The following NOSIP variants were observed in gnomAD, a reference collection of about 807,000 sequenced individuals.
NOSIP encodes nitric oxide synthase-interacting protein.
A neutral mutation model predicts 36.4 loss-of-function variants in NOSIP; 25 were observed. The ratio of observed to expected loss-of-function variants is 0.69; its 90% confidence interval spans 0.50 to 0.96. The LOEUF (loss-of-function observed/expected upper bound fraction) is 0.96, where lower values mean the gene tolerates loss of function less well. NOSIP is among the 40% of genes least tolerant of loss of function. The pLI, the probability that NOSIP is intolerant of heterozygous loss-of-function variation, is 0.00. For missense variants in NOSIP, 370 were observed against 429.0 expected (o/e 0.86, Z 1.21); for synonymous variants, 187 against 179.2 (o/e 1.04, Z -0.35).
At chr19:49,564,707 A>G (rs926999617) in intron 1 of NOSIP, among the ~76,000 whole-genome samples, 5 of 152,156 alleles carry the variant, frequency 3.3e-5, no homozygotes, top group African/African-American at 1.2e-4. Flanking sequence ...ACAGAAGGGT[A>G]CACCTGTTTA....
At chr19:49,559,911 A>C in intron 3 of NOSIP, 23 bp downstream of exon 3, 1 of 1,575,760 alleles carries the variant, frequency 6.3e-7, no homozygotes, top group African/African-American at 1.4e-5. Context: ...ACCCAGACCT[A>C]CCCATCCCTG....
intron 1 of NOSIP, among the ~76,000 whole-genome samples, chr19:49,564,982 G>C (rs918486180): frequency 2.6e-5 from 4 of 152,126 alleles, no homozygotes; most frequent in East Asian, 3.8e-4. Context: ...TACTACACCA[G>C]AAGTTATGTG....
chr19:49,567,097 T>G (rs112390792), intron 1 of NOSIP, among the ~76,000 whole-genome samples: 114 of 148,928 alleles, frequency 7.7e-4, no homozygotes, highest in African/African-American at 2.8e-3. Flanking sequence ...ATTATAGGCA[T>G]GAGCCACCGT....
At chr19:49,559,865 A>G (rs1293537593) in intron 3 of NOSIP, 69 bp downstream of exon 3, 1 of 1,180,416 alleles carries the variant, frequency 8.5e-7, no homozygotes, top group East Asian at 2.5e-5. Context: ...AGACCCACGC[A>G]CACAGCCTCC....
Position 49,560,559 on chromosome 19 carries a change from C to G in NOSIP, c.70+63G>C. 1 of 1,334,934 alleles carries G rather than the reference C, an allele frequency of 7.5e-7. No homozygotes were observed. Among genetic ancestry groups the G allele is most frequent in the Non-Finnish European group, 1.1e-6 (1 of 949,638 alleles). 82.7% of individuals were successfully genotyped at this position (1,334,934 alleles called of 1,614,324 possible). ...GACAGAGGAAGCAAAACCTGGGGCA[C>G]GAGGGGAGAGGGTGACTCCAAGACA... On this transcript the variant is annotated intron_variant, in intron 2 of 8. Coordinates refer to ENST00000596358, the MANE Select transcript of NOSIP (RefSeq NM_001270960.2). This position sits in a 1 kb window ranked among gnomAD's most constrained non-coding sequence, Gnocchi z 4.6.
At chr19:49,568,386 A>G (rs1375871033) in intron 1 of NOSIP, among the ~76,000 whole-genome samples, 5 of 152,000 alleles carry the variant, frequency 3.3e-5, no homozygotes, top group African/African-American at 1.2e-4. Flanking sequence ...CACCCGGGGA[A>G]CTGCGGTGGT....
chr19:49,577,784 A>AG (rs2080573423), intron 1 of NOSIP, among the ~76,000 whole-genome samples: 5 of 149,958 alleles, frequency 3.3e-5, no homozygotes, highest in Admixed American at 1.3e-4. Context: ...AAAAAAAAAA[A>AG]GAAGTATTGA....
At position 49,571,954 on chromosome 19, in the gene NOSIP, C is replaced by T. The variant is rs557517926; in HGVS notation, c.-2+8561G>A. Among the ~76,000 whole-genome samples, 14 of 132,932 alleles carry T rather than the reference C, an allele frequency of 1.1e-4. 1 individual carries two copies. In the South Asian group the frequency reaches 2.8e-3, roughly 26 times the overall value. The allele number at this position is 132,932 out of a possible 152,430, so 87.2% of individuals were successfully genotyped here. The stretch of plus-strand genomic sequence containing the variant: ...GAGCCCAGATCGCACCACTGCACTT[C>T]AGCCTGGCGACAGAGTGAGACTCTG... On this transcript the variant is annotated intron_variant, in intron 1 of 8. Coordinates refer to ENST00000596358, the MANE Select transcript of NOSIP (RefSeq NM_001270960.2).
intron 4 of NOSIP, chr19:49,557,868 T>C (rs2080275757): frequency 1.0e-6 from 1 of 987,822 alleles, no homozygotes; most frequent in Non-Finnish European, 1.2e-6. Flanking sequence ...GAGGTAACAG[T>C]GACAGTGATG....
chr19:49,569,720 A>C (rs1182717314), intron 1 of NOSIP, among the ~76,000 whole-genome samples: 1 of 151,800 alleles, frequency 6.6e-6, no homozygotes, highest in Non-Finnish European at 1.5e-5. Context: ...AGGCAAGAGA[A>C]TTGCTTGAAC....
At chr19:49,576,905 A>AAAAAAAAG (rs1568412796) in intron 1 of NOSIP, among the ~76,000 whole-genome samples, 11 of 151,748 alleles carry the variant, frequency 7.2e-5, no homozygotes, top group African/African-American at 2.4e-4. Flanking sequence ...AAAAAAAAAA[A>AAAAAAAAG]AAAATCAGGA....
chr19:49,556,209 G>T, intron 8 of NOSIP, 108 bp downstream of exon 8: 1 of 574,230 alleles, frequency 1.7e-6, no homozygotes, highest in Non-Finnish European at 3.1e-6. Flanking sequence ...AGAAGAAGGC[G>T]GGGCCTTGGA....
intron 1 of NOSIP, among the ~76,000 whole-genome samples, chr19:49,563,739 C>T (rs1266099352): frequency 6.6e-6 from 1 of 150,938 alleles, no homozygotes; most frequent in Non-Finnish European, 1.5e-5. Context: ...AGGTGATCCA[C>T]CCGCCTCGGC....
chr19:49,557,501 T>G, intron 4 of NOSIP: 1 of 1,307,878 alleles, frequency 7.6e-7, no homozygotes, highest in South Asian at 2.0e-5. Flanking sequence ...GGCCTCAGTT[T>G]CTTCATCTGT....
Position 49,556,868 on chromosome 19 carries a change from G to A in NOSIP, c.537+7C>T, listed in dbSNP as rs1252893624. ...ACCGTGCGTGCCGGGGCGCTGTGGG[G>A]GCTCACCGGCTTCTCCAGCTTGGTG... On this transcript the variant is annotated splice_region_variant and intron_variant, in intron 6 of 8. Transcript: ENST00000596358. The A allele has an allele frequency of 6.2e-7, 1 of 1,610,244 alleles. No homozygotes were observed.
At chr19:49,575,482 A>C (rs747207194) in intron 1 of NOSIP, among the ~76,000 whole-genome samples, 1 of 152,220 alleles carries the variant, frequency 6.6e-6, no homozygotes, top group Non-Finnish European at 1.5e-5. Flanking sequence ...ACTACCCCTG[A>C]AAATGGGGCA....
At chr19:49,565,072 T>C (rs997499015) in intron 1 of NOSIP, among the ~76,000 whole-genome samples, 5 of 152,090 alleles carry the variant, frequency 3.3e-5, no homozygotes, top group African/African-American at 1.2e-4. Context: ...GCCCAGGAGT[T>C]TGAGACCAGC....
At chr19:49,564,474 A>C (rs947245796) in intron 1 of NOSIP, among the ~76,000 whole-genome samples, 26 of 151,204 alleles carry the variant, frequency 1.7e-4, no homozygotes, top group Non-Finnish European at 4.4e-5. Context: ...AAAAAAAAAA[A>C]AACAAAATAA....
chr19:49,555,628 G>A lies in NOSIP; in HGVS notation c.*123C>T, dbSNP rs940326641. 9.3e-6 allele frequency: 7 copies of A among 754,466 alleles called. No individual in the cohort carries two copies. The highest frequency in any genetic ancestry group is 4.8e-5 in the South Asian group (3 of 61,966). The allele number at this position is 754,466 out of a possible 1,614,324, so 46.7% of individuals were successfully genotyped here. ...GCTCTTTCAAACTCCAGCGTGCGCT[G>A]TAGGAGCACTGTTTGCACGGCCCTG... On this transcript the variant is annotated 3_prime_UTR_variant, in exon 9 of 9. Transcript: ENST00000596358.
Sources: gnomAD v4.1 joint callset for allele counts (sites outside exome capture counted in the v4.1 genomes callset) on GRCh38, gnomAD v4.1.1 for gene constraint, Gnocchi (gnomAD v3.1) non-coding constraint, MANE v1.5 for transcripts, NCBI Gene and HGNC (gene_info 2026-07-23, HGNC 2026-07-21) for gene names.